Variants in NRG1 observed in about 807,000 individuals in gnomAD.
NRG1 encodes the protein neuregulin 1.
A neutral mutation model predicts 63.8 loss-of-function variants in NRG1; 18 were observed. The observed-to-expected ratio is 0.28, with a 90% CI of 0.19 to 0.42. The LOEUF is 0.42. NRG1 is among the 10% of genes least tolerant of loss of function. NRG1 has a pLI of 1.00. For synonymous variants in NRG1, 302 were observed against 301.3 expected, an observed-to-expected ratio of 1.00 and a Z score of -0.02; for missense variants, 762 against 814.7, an observed-to-expected ratio of 0.94 and a Z score of 0.79.
chr8:32,604,797 A>G (rs1179591952), intron 2 of NRG1, among the ~76,000 whole-genome samples: 2 of 152,128 alleles, frequency 1.3e-5, no homozygotes, highest in African/African-American at 4.8e-5. Flanking sequence ...CTGAGTTCTT[A>G]TATCTTGGAG....
At chr8:32,756,286 C>G in intron 8 of NRG1, 117 bp from the exon 9 acceptor site, 1 of 1,131,430 alleles carries the variant, frequency 8.8e-7, no homozygotes, top group Admixed American at 2.4e-5. Flanking sequence ...CTTCCCTCTT[C>G]CTCATCACCA....
intron 1 of NRG1, among the ~76,000 whole-genome samples, chr8:31,811,425 A>G (rs192692437): frequency 1.3e-5 from 2 of 152,244 alleles, no homozygotes; most frequent in Admixed American, 6.5e-5. Flanking sequence ...TTCTGATCTG[A>G]TAGTTAAAAT....
upstream of NRG1, among the ~76,000 whole-genome samples, chr8:32,545,899 T>C (rs13362886): frequency 0.11 from 16,255 of 152,124 alleles, 2,074 homozygotes; most frequent in East Asian, 0.59. Context: ...TTAAAGTCCC[T>C]TCAATATTTA....
intron 2 of NRG1, among the ~76,000 whole-genome samples, chr8:32,596,458 G>T (rs112638536): frequency 0.023 from 3,564 of 152,034 alleles, 126 homozygotes; most frequent in African/African-American, 0.081. Flanking sequence ...ACAAAAAGTA[G>T]CTGGGAGTGG....
intron 1 of NRG1, among the ~76,000 whole-genome samples, chr8:32,236,943 G>A (rs1847623914): frequency 6.6e-6 from 1 of 152,064 alleles, no homozygotes; most frequent in African/African-American, 2.4e-5. Context: ...ATGCTATCAC[G>A]GTGCAGGATA....
intron 1 of NRG1, among the ~76,000 whole-genome samples, chr8:31,709,350 G>A (rs181226855): frequency 2.1e-3 from 314 of 151,836 alleles, no homozygotes; most frequent in African/African-American, 7.4e-3. Context: ...TTCATATAAC[G>A]AATTATTTGT....
chr8:32,062,260 A>T (rs996077577), intron 1 of NRG1, among the ~76,000 whole-genome samples: 2 of 152,202 alleles, frequency 1.3e-5, no homozygotes, highest in South Asian at 4.1e-4. Flanking sequence ...CTGCTTCCTC[A>T]TGGGAAGAAT....
chr8:32,702,118 G>A (rs1190628164), intron 5 of NRG1, among the ~76,000 whole-genome samples: 6 of 152,016 alleles, frequency 3.9e-5, no homozygotes, highest in Non-Finnish European at 8.8e-5. Flanking sequence ...TTCCTGTTGT[G>A]GGAATACGAG....
chr8:31,835,783 T>C (rs181682502), intron 1 of NRG1, among the ~76,000 whole-genome samples: 1 of 152,318 alleles, frequency 6.6e-6, no homozygotes, highest in East Asian at 1.9e-4. Context: ...GAAATAATGT[T>C]ATGTATTAAA....
intron 1 of NRG1, among the ~76,000 whole-genome samples, chr8:32,044,117 C>A (rs370538265): frequency 1.3e-5 from 2 of 151,636 alleles, no homozygotes; most frequent in African/African-American, 4.8e-5. Flanking sequence ...GAACTATAAA[C>A]CATGCAAACA....
chr8:32,233,494 G>A (rs994865683), intron 1 of NRG1, among the ~76,000 whole-genome samples: 10 of 143,878 alleles, frequency 7.0e-5, no homozygotes, highest in African/African-American at 2.5e-4. Flanking sequence ...GGCAACATCT[G>A]TTAAGGGATA....
intron 1 of NRG1, among the ~76,000 whole-genome samples, chr8:32,424,489 C>T (rs1425136176): frequency 2.0e-5 from 3 of 152,120 alleles, no homozygotes; most frequent in Non-Finnish European, 4.4e-5. Flanking sequence ...GAAATGAGGC[C>T]TTACCATTTT....
chr8:32,265,409 G>C (rs779315216), intron 1 of NRG1, among the ~76,000 whole-genome samples: 2 of 152,066 alleles, frequency 1.3e-5, no homozygotes, highest in Non-Finnish European at 2.9e-5. Context: ...ATTTATCATA[G>C]CTATATTTCA....
intron 1 of NRG1, among the ~76,000 whole-genome samples, chr8:32,420,374 A>G (rs1429331292): frequency 4.6e-5 from 7 of 152,116 alleles, no homozygotes. Flanking sequence ...GATCCAGCAA[A>G]ATTTCTACAA....
At chr8:32,520,290 G>C in intron 1 of NRG1, among the ~76,000 whole-genome samples, 1 of 151,644 alleles carries the variant, frequency 6.6e-6, no homozygotes, top group South Asian at 2.1e-4. Flanking sequence ...GCCTGTAGCT[G>C]GTACCACAGG....
intron 1 of NRG1, among the ~76,000 whole-genome samples, chr8:32,072,782 T>G (rs1182419054): frequency 1.3e-5 from 2 of 152,168 alleles, no homozygotes; most frequent in Non-Finnish European, 2.9e-5. Context: ...ATTGTGTTAA[T>G]TTCTGAGAAA....
intron 1 of NRG1, among the ~76,000 whole-genome samples, chr8:32,161,781 A>G (rs953267420): frequency 1.3e-5 from 2 of 152,204 alleles, no homozygotes; most frequent in Non-Finnish European, 2.9e-5. Flanking sequence ...TCCATTTTCA[A>G]TACGTGGCTT....
intron 1 of NRG1, among the ~76,000 whole-genome samples, chr8:31,954,255 A>T (rs1422386316): frequency 2.0e-5 from 3 of 152,156 alleles, no homozygotes; most frequent in Non-Finnish European, 4.4e-5. Context: ...AGAGGTGAAG[A>T]CACTGAAATA....
intron 1 of NRG1, among the ~76,000 whole-genome samples, chr8:32,585,204 GA>G (rs139883400): frequency 0.26 from 38,998 of 151,994 alleles, 5,122 homozygotes; most frequent in South Asian, 0.33. Context: ...TAATGCATAA[GA>G]AAAAAATCCT....
Sources: allele counts gnomAD v4.1 joint callset (sites outside exome capture counted in the v4.1 genomes callset), GRCh38; gene constraint gnomAD v4.1.1; transcripts MANE v1.5; gene names NCBI Gene and HGNC (gene_info 2026-07-23, HGNC 2026-07-21).